LOC128462377: variants seen among roughly 807,000 people sequenced by gnomAD.
At chr16:89,378,705 G>A in the LOC128462377 span, among the ~76,000 whole-genome samples, 5 of 152,160 alleles carry the variant, frequency 3.3e-5, no homozygotes, top group East Asian at 1.9e-4. Flanking sequence ...TCAGCCTCCC[G>A]AGTAGCTGGG....
At chr16:89,319,624 G>A in the LOC128462377 span, among the ~76,000 whole-genome samples, 2 of 152,250 alleles carry the variant, frequency 1.3e-5, no homozygotes, top group South Asian at 2.1e-4. Flanking sequence ...CCCAGCCCCC[G>A]CCTCTCCATG....
At chr16:89,334,144 T>TAAAAAAAAAAAAAAAAAAAAAA in the LOC128462377 span, among the ~76,000 whole-genome samples, 4 of 41,416 alleles carry the variant, frequency 9.7e-5, 1 homozygote, top group African/African-American at 3.8e-4. Flanking sequence ...CCCTGTGTTT[T>TAAAAAAAAAAAAAAAAAAAAAA]AAAAAAAAAA....
At chr16:89,328,015 A>C in the LOC128462377 span, among the ~76,000 whole-genome samples, 2 of 152,262 alleles carry the variant, frequency 1.3e-5, no homozygotes, top group Non-Finnish European at 2.9e-5. Context: ...TAGAAGAAAG[A>C]AGTATCAAAC....
At chr16:89,358,436 A>G in the LOC128462377 span, among the ~76,000 whole-genome samples, 40 of 152,342 alleles carry the variant, frequency 2.6e-4, no homozygotes, top group African/African-American at 9.6e-4. Flanking sequence ...ACTGGTACTC[A>G]ATTTCCAGGT....
the LOC128462377 span, among the ~76,000 whole-genome samples, chr16:89,378,154 A>T: frequency 1.3e-5 from 2 of 152,194 alleles, no homozygotes; most frequent in African/African-American, 4.8e-5. Context: ...GTTTGAGACC[A>T]GCCTGGGCAA....
At chr16:89,353,589 T>C in the LOC128462377 span, among the ~76,000 whole-genome samples, 2 of 151,910 alleles carry the variant, frequency 1.3e-5, no homozygotes, top group East Asian at 3.9e-4. Context: ...GCAATTCTCC[T>C]GCCTCAGCCT....
At chr16:89,370,046 G>A in the LOC128462377 span, among the ~76,000 whole-genome samples, 1 of 152,204 alleles carries the variant, frequency 6.6e-6, no homozygotes, top group Non-Finnish European at 1.5e-5. Context: ...TAACGAGAAC[G>A]CAAACCTTCT....
chr16:89,378,856 TGATGGG>T, the LOC128462377 span, among the ~76,000 whole-genome samples: 5 of 151,340 alleles, frequency 3.3e-5, no homozygotes, highest in African/African-American at 1.2e-4. Flanking sequence ...TTTAAGGGGT[TGATGGG>T]TGGGGCGAGG....
At chr16:89,327,190 C>T in the LOC128462377 span, among the ~76,000 whole-genome samples, 5 of 152,170 alleles carry the variant, frequency 3.3e-5, no homozygotes, top group African/African-American at 7.2e-5. Flanking sequence ...GTCAACGTCA[C>T]CCAGCATGCC....
the LOC128462377 span, among the ~76,000 whole-genome samples, chr16:89,403,183 C>T: frequency 6.6e-6 from 1 of 152,168 alleles, no homozygotes; most frequent in Non-Finnish European, 1.5e-5. Flanking sequence ...GCAGGTGGAC[C>T]CCGCACTCCC....
chr16:89,367,993 G>T, the LOC128462377 span, among the ~76,000 whole-genome samples: 2 of 152,042 alleles, frequency 1.3e-5, no homozygotes, highest in African/African-American at 4.8e-5. Flanking sequence ...GACAGAACAA[G>T]ACTCACTCTC....
chr16:89,358,250 T>C, the LOC128462377 span, among the ~76,000 whole-genome samples: 1 of 152,354 alleles, frequency 6.6e-6, no homozygotes, highest in Non-Finnish European at 1.5e-5. Flanking sequence ...CGCATGGAGC[T>C]GTGCCGGCTT....
the LOC128462377 span, among the ~76,000 whole-genome samples, chr16:89,321,445 TGGGGCGGGAGCTGC>T: frequency 3.5e-4 from 3 of 8,520 alleles, no homozygotes; most frequent in African/African-American, 1.6e-3. Context: ...GGGCAGGGTG[TGGGGCGGGAGCTGC>T]GGGGCGGGGA....
At chr16:89,331,231 G>A in the LOC128462377 span, among the ~76,000 whole-genome samples, 1 of 152,234 alleles carries the variant, frequency 6.6e-6, no homozygotes. Context: ...TAGGATTACA[G>A]GCATGAGCCA....
the LOC128462377 span, among the ~76,000 whole-genome samples, chr16:89,407,276 C>T: frequency 6.6e-6 from 1 of 151,516 alleles, no homozygotes; most frequent in Non-Finnish European, 1.5e-5. Context: ...CAGAAAAAGA[C>T]TCATATTTTT....
At chr16:89,355,269 C>T in the LOC128462377 span, among the ~76,000 whole-genome samples, 3 of 150,582 alleles carry the variant, frequency 2.0e-5, no homozygotes, top group South Asian at 2.1e-4. Flanking sequence ...GGAAGGCGGG[C>T]AGAGGGCTCA....
the LOC128462377 span, among the ~76,000 whole-genome samples, chr16:89,325,479 A>T: frequency 3.3e-5 from 5 of 151,932 alleles, no homozygotes; most frequent in South Asian, 8.3e-4. Context: ...TCACACACAC[A>T]CACACACACA....
At chr16:89,397,672 TAC>T in the LOC128462377 span, among the ~76,000 whole-genome samples, 1 of 152,250 alleles carries the variant, frequency 6.6e-6, no homozygotes, top group African/African-American at 2.4e-5. Flanking sequence ...TTCCCAGTTT[TAC>T]AGTGTGCTTT....
chr16:89,406,501 C>A, the LOC128462377 span, among the ~76,000 whole-genome samples: 2 of 152,306 alleles, frequency 1.3e-5, no homozygotes, highest in African/African-American at 4.8e-5. Context: ...ACAACATGTT[C>A]GTTGGCCATG....
Sources: allele counts gnomAD v4.1 joint callset (sites outside exome capture counted in the v4.1 genomes callset), GRCh38; gene constraint gnomAD v4.1.1; transcripts MANE v1.5.